Variants in LAMB3 observed in about 807,000 individuals in gnomAD.
LAMB3 encodes the protein laminin subunit beta-3.
Under a neutral mutation model 140.3 loss-of-function variants are expected in LAMB3, and 104 were observed. The observed-to-expected ratio is 0.74, with a 90% CI of 0.63 to 0.87. LAMB3 has a LOEUF of 0.87. Ranked by LOEUF, LAMB3 falls within the 40% of genes least tolerant of loss-of-function variation. The probability of loss-of-function intolerance (pLI) is 0.00; values close to 1 mark genes in which losing one functional copy is unlikely to be tolerated. For synonymous variants in LAMB3, 592 were observed against 602.9 expected (o/e 0.98, Z 0.26); for missense variants, 1,531 against 1,575.2 (o/e 0.97, Z 0.47).
rs1431872330 is a variant in LAMB3 at position 209,626,949 on chromosome 1, G to T, written c.1515C>A (p.Gly505=). ...CAGCGCTGCACATCAGGCCACCAAA[G>T]CCTTCCCGACAGGGGCACTGCCCTG... ...QFTGQCPCRE[G]FGGLMCSAAA... is the part of the protein sequence containing the mutation. The change falls in exon 13 of 23, where the codon GGC becomes GGA. Residue 505 remains glycine (G), a synonymous_variant. Coordinates refer to ENST00000356082, the MANE Select transcript of LAMB3 (RefSeq NM_000228.3). 1 of 1,613,600 alleles carries T rather than the reference G, an allele frequency of 6.2e-7. No homozygotes were observed. The highest frequency in any genetic ancestry group is 8.5e-7 in the Non-Finnish European group (1 of 1,179,900).
rs150736643 is a variant in LAMB3 at position 209,623,514 on chromosome 1, G to T, written c.2349C>A (p.Thr783=). The change falls in exon 16 of 23, where the codon ACC becomes ACA. Residue 783 remains threonine (T), a synonymous_variant. Transcript: ENST00000356082. The surrounding 1 kb of genome is among the most constrained non-coding windows in gnomAD (Gnocchi z 4.2). ...EMSSLPDLTP[T]FNKLCGNSRQ... ...CCATGCCCCAAGTCACCTTGTTGAAGGTGGGTGTCAGGTCAGGCAACGAAG... is the reference window on the plus strand; with the variant it reads ...CCATGCCCCAAGTCACCTTGTTGAATGTGGGTGTCAGGTCAGGCAACGAAG... 6 of 1,614,006 alleles carry T rather than the reference G, an allele frequency of 3.7e-6. No homozygotes were observed. Among genetic ancestry groups the T allele is most frequent in the Non-Finnish European group, 5.1e-6 (6 of 1,179,972 alleles).
chr1:209,622,675 C>A lies in LAMB3; in HGVS notation c.2562G>T (p.Arg854Ser). ...AQLQRTRQMIRAAEESASQIQ... is the reference protein window; with the variant it reads ...AQLQRTRQMISAAEESASQIQ... ...TCTGTGAGGCAGATTCCTCGGCTGC[C>A]CTAATCTGTTGACATACACTCTAGG... is the stretch of plus-strand genomic sequence containing the variant. The change falls in exon 18 of 23, where the codon AGG becomes AGT. Residue 854 changes from arginine to serine, a missense_variant. Physicochemically the swap from Arg to Ser is moderately radical, Grantham distance 110. Coordinates refer to ENST00000356082, the MANE Select transcript of LAMB3 (RefSeq NM_000228.3). 1 of 1,614,064 alleles carries A rather than the reference C, an allele frequency of 6.2e-7. No homozygotes were observed. The highest frequency in any genetic ancestry group is 8.5e-7 in the Non-Finnish European group (1 of 1,180,012).
At chr1:209,643,509 T>A (rs2076489261) in intron 3 of LAMB3, among the ~76,000 whole-genome samples, 1 of 152,200 alleles carries the variant, frequency 6.6e-6, no homozygotes, top group African/African-American at 2.4e-5. Flanking sequence ...TAGAGCTTTC[T>A]AGAAGCTCAG....
Position 209,637,974 on chromosome 1 carries a change from G to A in LAMB3, c.306C>T (p.Asn102=), listed in dbSNP as rs376274555. ...CCAGGTCCAGCTGCAGAGAGACAGG[G>A]TTCACATCTGGAAGGACAAAAAATA... ...MRWWQSQNDV[N]PVSLQLDLDR... is the part of the protein sequence containing the mutation. The change falls in exon 5 of 23, where the codon AAC becomes AAT. Residue 102 remains asparagine, a synonymous_variant. Coordinates refer to ENST00000356082, the MANE Select transcript of LAMB3 (RefSeq NM_000228.3). 3 of 1,612,498 alleles carry A rather than the reference G, an allele frequency of 1.9e-6. No homozygotes were observed. The highest frequency in any genetic ancestry group is 1.3e-5 in the African/African-American group (1 of 74,880).
rs1666264187 is a variant in LAMB3 at position 209,623,057 on chromosome 1, C to T, written c.2481G>A (p.Gly827=). 3 of 1,614,134 alleles carry T rather than the reference C, an allele frequency of 1.9e-6. No homozygotes were observed. The highest frequency in any genetic ancestry group is 2.5e-6 in the Non-Finnish European group (3 of 1,180,030). Reference sequence around the variant, plus strand: ...CCACCTGCCCCGCCATCAAGAAGGCCCCACCGGCCCTGGGAAGGACACCCC... The same window carrying T: ...CCACCTGCCCCGCCATCAAGAAGGCTCCACCGGCCCTGGGAAGGACACCCC... ...RCRGVLPRAG[G]AFLMAGQVAE... is the part of the protein sequence containing the mutation. Residue 827 remains glycine, a synonymous_variant, in exon 17 of 23, where the codon GGG becomes GGA. Coordinates refer to ENST00000356082, the MANE Select transcript of LAMB3 (RefSeq NM_000228.3). This position sits in a 1 kb window ranked among gnomAD's most constrained non-coding sequence, Gnocchi z 4.2.
chr1:209,627,994 C>A lies in LAMB3; in HGVS notation c.1288+41G>T, dbSNP rs201055933. On this transcript the variant is annotated intron_variant, in intron 11 of 22. Coordinates refer to ENST00000356082, the MANE Select transcript of LAMB3 (RefSeq NM_000228.3). ...AAGCCGTGGGTCTGGTGGCCCCATG[C>A]AGCCCACCCCACGTCATGCTGGGCC... 5 of 1,564,388 alleles carry A rather than the reference C, an allele frequency of 3.2e-6. No individual in the cohort carries two copies. In the East Asian group the frequency reaches 9.5e-5, roughly 30 times the overall value.
chr1:209,618,706 A>G (rs2102407208), intron 18 of LAMB3, 47 bp from the exon 19 acceptor site: 1 of 1,566,084 alleles, frequency 6.4e-7, no homozygotes, highest in Non-Finnish European at 8.7e-7. Flanking sequence ...TAACCTCCCC[A>G]GAGATACGAG....
chr1:209,630,041 G>C, intron 9 of LAMB3, 116 bp from the exon 10 acceptor site: 2 of 1,012,426 alleles, frequency 2.0e-6, no homozygotes, highest in Non-Finnish European at 3.0e-6. Context: ...TCAAGGCAGG[G>C]AAGTGGGGAA....
In LAMB3 at chr1:209,651,554, G is replaced by A. The variant is rs3753522; in HGVS notation, c.-37-573C>T. On this transcript the variant is annotated intron_variant, in intron 1 of 22. Transcript: ENST00000356082. ...GTGCCCACAATTCTGGGATGCAACA[G>A]GGAGAGATGTATGGCTGTCTTTAAC... 0.26 allele frequency among the ~76,000 whole-genome samples: 38,872 copies of A among 152,148 alleles called. 5,293 individuals carry two copies. Among genetic ancestry groups the A allele is most frequent in the Admixed American group, 0.38 (5,770 of 15,288 alleles).
At chr1:209,624,728 C>T (rs1195849578) in intron 14 of LAMB3, among the ~76,000 whole-genome samples, 1 of 152,190 alleles carries the variant, frequency 6.6e-6, no homozygotes, top group Non-Finnish European at 1.5e-5. Context: ...ACATGCGTCA[C>T]ATTATAGTTT....
chr1:209,627,039 C>T (rs1666487126), intron 12 of LAMB3, 61 bp from the exon 13 acceptor site: 5 of 1,227,902 alleles, frequency 4.1e-6, no homozygotes, highest in East Asian at 2.5e-5. Context: ...ACCCTGGTGT[C>T]AGGGACTGTG....
rs1313169054 is a variant in LAMB3, at chr1:209,623,800, G to T, written c.2137+40C>A. 4 of 1,613,710 alleles carry T rather than the reference G, an allele frequency of 2.5e-6. No homozygotes were observed. The African/African-American group carries it at 5.3e-5, about 22-fold the overall frequency. On this transcript the variant is annotated intron_variant, in intron 15 of 22. Transcript: ENST00000356082. This position sits in a 1 kb window ranked among gnomAD's most constrained non-coding sequence, Gnocchi z 4.2. ...AGGGGGTGGCATGCCCACCACGGCA[G>T]TGCCCATGCCCGGGGTTATCCGGGT... is the stretch of plus-strand genomic sequence containing the variant.
At position 209,650,031 on chromosome 1, in the gene LAMB3, C is replaced by G. The variant is rs146125956; in HGVS notation, c.116G>C (p.Arg39Pro). ...PVGDLLVGRT[R>P]FLRASSTCGL... ...ACAGGTAGATGAAGCTCGGAGAAAC[C>G]GGGTCCTCCCAACAAGCAGGTCCCC... is the stretch of plus-strand genomic sequence containing the variant. The change falls in exon 3 of 23, where the codon CGG becomes CCG. Residue 39 changes from arginine to proline, a missense_variant. Physicochemically the swap from Arg to Pro is moderately radical, Grantham distance 103. Coordinates refer to ENST00000356082, the MANE Select transcript of LAMB3 (RefSeq NM_000228.3). 1 of 1,614,032 alleles carries G rather than the reference C, an allele frequency of 6.2e-7. No individual in the cohort carries two copies. The highest frequency in any genetic ancestry group is 1.3e-5 in the African/African-American group (1 of 74,916).
At chr1:209,620,852 C>T (rs1666163048) in intron 18 of LAMB3, among the ~76,000 whole-genome samples, 2 of 152,210 alleles carry the variant, frequency 1.3e-5, no homozygotes, top group African/African-American at 4.8e-5. Flanking sequence ...GTTTCCTCCT[C>T]CCTCCACAGA....
chr1:209,616,665 C>A, intron 21 of LAMB3, 41 bp from the exon 22 acceptor site: 1 of 1,606,444 alleles, frequency 6.2e-7, no homozygotes, highest in Non-Finnish European at 8.5e-7. Context: ...TGTCATCATG[C>A]AAGGTCCTAA....
In LAMB3 at chr1:209,634,481, G is replaced by T; in HGVS notation, c.530C>A (p.Pro177His). ...SWQDVRCQSL[P>H]QRPNARLNGG... is the part of the protein sequence containing the mutation. ...ATTTAGGCGTGCATTAGGCCTCTGA[G>T]GCAGGGACTGGCACCGAACATCCTG... The change falls in exon 6 of 23, where the codon CCT becomes CAT. Residue 177 changes from proline (P) to histidine (H), a missense_variant. Coordinates refer to ENST00000356082, the MANE Select transcript of LAMB3 (RefSeq NM_000228.3). 6.2e-7 allele frequency: 1 copy of T among 1,614,136 alleles called. No homozygotes were observed. The highest frequency in any genetic ancestry group is 8.5e-7 in the Non-Finnish European group (1 of 1,180,036).
Position 209,628,024 on chromosome 1 carries a change from C to A in LAMB3, c.1288+11G>T, listed in dbSNP as rs1296091634. Reference sequence around the variant, plus strand: ...CACCCCACGTCATGCTGGGCCAAGCCCCCTACTCACGGTGGCAGCCCTGCG... The same window carrying A: ...CACCCCACGTCATGCTGGGCCAAGCACCCTACTCACGGTGGCAGCCCTGCG... On this transcript the variant is annotated intron_variant, in intron 11 of 22. Coordinates refer to ENST00000356082, the MANE Select transcript of LAMB3 (RefSeq NM_000228.3). The A allele has an allele frequency of 2.5e-6, 4 of 1,596,606 alleles. No individual in the cohort carries two copies. Among genetic ancestry groups the A allele is most frequent in the Non-Finnish European group, 3.4e-6 (4 of 1,170,980 alleles).
intron 6 of LAMB3, among the ~76,000 whole-genome samples, chr1:209,634,037 A>G (rs543431398): frequency 1.3e-5 from 2 of 152,312 alleles, no homozygotes; most frequent in East Asian, 1.9e-4. Context: ...TAAACTGAAA[A>G]TGTTTATTTT....
In LAMB3 at chr1:209,623,266, C is replaced by T. The variant is rs1666277377; in HGVS notation, c.2359-87G>A. 2.2e-6 allele frequency: 3 copies of T among 1,337,438 alleles called. No individual in the cohort carries two copies. Among genetic ancestry groups the T allele is most frequent in the South Asian group, 1.2e-5 (1 of 82,218 alleles). 82.8% of individuals were successfully genotyped at this position (1,337,438 alleles called of 1,614,324 possible). A position where few individuals can be genotyped will look rare whatever the true frequency, so the allele number is the denominator to read the frequency against. ...CACACCTGGGAAACCAACAGCCAGA[C>T]ATCTCCATGACAACCAAGCACCAGA... On this transcript the variant is annotated intron_variant, in intron 16 of 22. Coordinates refer to ENST00000356082, the MANE Select transcript of LAMB3 (RefSeq NM_000228.3). The surrounding 1 kb of genome is among the most constrained non-coding windows in gnomAD (Gnocchi z 4.2).
Sources: gnomAD v4.1 joint callset for allele counts (sites outside exome capture counted in the v4.1 genomes callset) on GRCh38, gnomAD v4.1.1 for gene constraint, Gnocchi (gnomAD v3.1) non-coding constraint, MANE v1.5 for transcripts, NCBI Gene and HGNC (gene_info 2026-07-23, HGNC 2026-07-21) for gene names.